The following CCDC47 variants were observed in gnomAD, a reference collection of about 807,000 sequenced individuals.
CCDC47 encodes the protein PAT complex subunit CCDC47.
Under a neutral mutation model 60.5 loss-of-function variants are expected in CCDC47, and 41 were observed. That is an observed-to-expected ratio of 0.68 (90% CI 0.53 to 0.88). The LOEUF (loss-of-function observed/expected upper bound fraction) is 0.88. Ranked by LOEUF, CCDC47 falls within the 40% of genes least tolerant of loss-of-function variation. The probability of loss-of-function intolerance (pLI) is 0.00; values close to 1 mark genes in which losing one functional copy is unlikely to be tolerated. For missense variants in CCDC47, 513 were observed against 580.9 expected, an observed-to-expected ratio of 0.88 and a Z score of 1.20; for synonymous variants, 195 against 190.7, an observed-to-expected ratio of 1.02 and a Z score of -0.18.
intron 4 of CCDC47, among the ~76,000 whole-genome samples, 179 bp downstream of exon 4, chr17:63,763,837 T>C (rs1267271992): frequency 6.8e-6 from 1 of 147,950 alleles, no homozygotes; most frequent in Non-Finnish European, 1.5e-5. Flanking sequence ...ATAGTAATAA[T>C]AATAATAAAA....
Position 63,754,498 on chromosome 17 carries a change from G to A in CCDC47, c.969C>T (p.His323=), listed in dbSNP as rs1219135239. The A allele has an allele frequency of 6.2e-7, 1 of 1,607,720 alleles. No individual in the cohort carries two copies. The highest frequency in any genetic ancestry group is 8.5e-7 in the Non-Finnish European group (1 of 1,176,560). The part of the protein sequence containing the change: ...MDTKMVHFLT[H]YADKIESVHF... The stretch of plus-strand genomic sequence containing the variant: ...GAACAGATTCAATCTTGTCAGCATA[G>A]TGTGTAAGAAAGTGAACCATCTGAA... The change falls in exon 9 of 13, where the codon CAC becomes CAT. Residue 323 remains histidine (H), a synonymous_variant. Coordinates refer to ENST00000225726, the MANE Select transcript of CCDC47 (RefSeq NM_020198.3).
At chr17:63,770,307 T>C (rs551084252) in intron 1 of CCDC47, among the ~76,000 whole-genome samples, 3 of 152,092 alleles carry the variant, frequency 2.0e-5, no homozygotes, top group Admixed American at 2.0e-4. Context: ...CTTTTGTCAC[T>C]AGAGAAGAGG....
chr17:63,769,613 C>CAA (rs60378449), intron 1 of CCDC47, among the ~76,000 whole-genome samples: 37,950 of 98,548 alleles, frequency 0.39, 6,146 homozygotes, highest in South Asian at 0.62. Context: ...AACTCCATCT[C>CAA]AAAAAAAAAA....
intron 1 of CCDC47, among the ~76,000 whole-genome samples, chr17:63,771,045 G>GAAGGAAGGAAGA (rs759971442): frequency 1.7e-4 from 17 of 97,836 alleles, no homozygotes; most frequent in African/African-American, 5.8e-4. Flanking sequence ...AGGAAGGAAG[G>GAAGGAAGGAAGA]AAGAAAGAAA....
chr17:63,769,865 G>C (rs2039324199), intron 1 of CCDC47, among the ~76,000 whole-genome samples: 1 of 152,068 alleles, frequency 6.6e-6, no homozygotes, highest in Non-Finnish European at 1.5e-5. Context: ...CAGGCCATGG[G>C]TTGGACAAGC....
intron 4 of CCDC47, 52 bp from the exon 5 acceptor site, chr17:63,761,403 C>T (rs746167949): frequency 1.2e-5 from 20 of 1,601,692 alleles, no homozygotes; most frequent in African/African-American, 5.4e-5. Flanking sequence ...AAGGCCGGGC[C>T]GGGGGTGGTG....
intron 6 of CCDC47, among the ~76,000 whole-genome samples, chr17:63,760,062 CAAAA>C (rs10643408): frequency 1.0e-5 from 1 of 98,460 alleles, no homozygotes; most frequent in Non-Finnish European, 2.0e-5. Context: ...GACTCCGTCT[CAAAA>C]AAAAAAAAAA....
At position 63,760,980 on chromosome 17, in the gene CCDC47, C is replaced by T. The variant is rs1284447957; in HGVS notation, c.670-1G>A. The T allele has an allele frequency of 6.2e-7, 1 of 1,612,718 alleles. No individual in the cohort carries two copies. The highest frequency in any genetic ancestry group is 2.2e-5 in the East Asian group (1 of 44,862). ...TCAGTAAGTCTTGTCTCTTGAGGAA[C>T]TGAAAAAAATGAGAGAAGTAAGTAA... On this transcript the variant is annotated splice_acceptor_variant, in intron 5 of 12. Coordinates refer to ENST00000225726, the MANE Select transcript of CCDC47 (RefSeq NM_020198.3). LOFTEE classifies it high-confidence loss of function.
Position 63,752,743 on chromosome 17 carries a change from T to G in CCDC47, c.1091A>C (p.Asn364Thr). Residue 364 changes from asparagine to threonine, a missense_variant and splice_region_variant, in exon 10 of 13, where the codon AAT becomes ACT. Asn to Thr is a moderately conservative substitution (Grantham distance 65). Coordinates refer to ENST00000225726, the MANE Select transcript of CCDC47 (RefSeq NM_020198.3). ...CAGAAAGGACCCAGAATACTTACCATTAAATGTAAACAACAGTGTCCTCTT... is the reference window on the plus strand; with the variant it reads ...CAGAAAGGACCCAGAATACTTACCAGTAAATGTAAACAACAGTGTCCTCTT... ...DTKRTLLFTF[N>T]VPGSGNTYPK... 2 of 1,611,476 alleles carry G rather than the reference T, an allele frequency of 1.2e-6. No homozygotes were observed. Among genetic ancestry groups the G allele is most frequent in the Non-Finnish European group, 1.7e-6 (2 of 1,178,968 alleles).
intron 1 of CCDC47, among the ~76,000 whole-genome samples, chr17:63,767,539 G>T (rs1161182519): frequency 1.3e-5 from 2 of 151,816 alleles, no homozygotes; most frequent in Non-Finnish European, 2.9e-5. Context: ...AACCCATTTA[G>T]GCTGTATTTC....
At chr17:63,746,989 G>C (rs1244842967) in intron 12 of CCDC47, 28 bp from the exon 13 acceptor site, 2 of 1,610,524 alleles carry the variant, frequency 1.2e-6, no homozygotes, top group Non-Finnish European at 1.7e-6. Flanking sequence ...AATAAATAGA[G>C]AAAGGGAGTG....
At chr17:63,750,884 G>A (rs1267955290) in intron 12 of CCDC47, among the ~76,000 whole-genome samples, 5 of 150,790 alleles carry the variant, frequency 3.3e-5, no homozygotes, top group African/African-American at 9.8e-5. Context: ...ACCACGCCCG[G>A]CCTGTCCTCT....
chr17:63,754,592 T>C, intron 8 of CCDC47, 74 bp from the exon 9 acceptor site: 2 of 961,316 alleles, frequency 2.1e-6, no homozygotes, highest in Non-Finnish European at 1.6e-6. Context: ...AGATATTCAC[T>C]CTTTGAGATG....
At chr17:63,758,943 T>C (rs972043462) in intron 6 of CCDC47, among the ~76,000 whole-genome samples, 4 of 152,150 alleles carry the variant, frequency 2.6e-5, no homozygotes, top group African/African-American at 9.7e-5. Context: ...CAATTTCTCT[T>C]AGCAGGAGGA....
intron 4 of CCDC47, chr17:63,761,917 T>G (rs2039264568): frequency 1.4e-6 from 1 of 705,084 alleles, no homozygotes; most frequent in Non-Finnish European, 1.7e-6. Flanking sequence ...ATGATCAGCT[T>G]AGAGTATAAG....
At position 63,752,081 on chromosome 17, in the gene CCDC47, A is replaced by T. The variant is rs1344566067; in HGVS notation, c.1230T>A (p.Arg410=). 2.5e-6 allele frequency: 4 copies of T among 1,613,568 alleles called. No individual in the cohort carries two copies. The highest frequency in any genetic ancestry group is 3.4e-6 in the Non-Finnish European group (4 of 1,179,988). The change falls in exon 12 of 13, where the codon CGT becomes CGA. Residue 410 remains arginine, a synonymous_variant. Coordinates refer to ENST00000225726, the MANE Select transcript of CCDC47 (RefSeq NM_020198.3). ...REGKQKADKN[R]ARVEENFLKL... ...TCAAGAAGTTCTCTTCTACTCGGGC[A>T]CGGTTCTTATCTGCTTTTTGTTTGC...
intron 3 of CCDC47, 84 bp from the exon 4 acceptor site, chr17:63,764,274 C>G: frequency 9.7e-7 from 1 of 1,026,520 alleles, no homozygotes; most frequent in Non-Finnish European, 1.4e-6. Flanking sequence ...TGAGAAAATC[C>G]ATAAACAGAA....
rs1314269984 is a variant in CCDC47, at chr17:63,759,548, T to A, written c.735+1366A>T. Among the ~76,000 whole-genome samples, 197 of 24,814 alleles carry A rather than the reference T, an allele frequency of 7.9e-3. 44 individuals are homozygous for A. The highest frequency in any genetic ancestry group is 0.032 in the African/African-American group (115 of 3,634). The allele number at this position is 24,814 out of a possible 152,430, so 16.3% of individuals were successfully genotyped here. The stretch of plus-strand genomic sequence containing the variant: ...ATATTTATATATATATATATATATA[T>A]ATATATATATATATATATATATATA... On this transcript the variant is annotated intron_variant, in intron 6 of 12. Transcript: ENST00000225726.
intron 4 of CCDC47, chr17:63,762,287 T>C (rs1378831219): frequency 2.0e-6 from 2 of 977,188 alleles, no homozygotes; most frequent in Non-Finnish European, 2.4e-6. Flanking sequence ...CCAAAGCTGC[T>C]CATTTATTTT....
Sources: allele counts gnomAD v4.1 joint callset (sites outside exome capture counted in the v4.1 genomes callset), GRCh38; gene constraint gnomAD v4.1.1; transcripts MANE v1.5; gene names NCBI Gene and HGNC (gene_info 2026-07-23, HGNC 2026-07-21).